PRKG1: variants seen among roughly 807,000 people sequenced by gnomAD.
The protein encoded by PRKG1 is cGMP-dependent protein kinase 1.
A neutral mutation model predicts 88.1 loss-of-function variants in PRKG1; 35 were observed. The ratio of observed to expected loss-of-function variants is 0.40; its 90% CI spans 0.30 to 0.53. PRKG1 has a LOEUF of 0.53. PRKG1 is among the 20% of genes least tolerant of loss of function. The pLI is 0.59. For missense variants in PRKG1, 540 were observed against 839.8 expected, an observed-to-expected ratio of 0.64 and a Z score of 4.41; for synonymous variants, 303 against 292.5, an observed-to-expected ratio of 1.04 and a Z score of -0.37.
intron 3 of PRKG1, among the ~76,000 whole-genome samples, chr10:51,777,366 T>C (rs1838467609): frequency 6.6e-6 from 1 of 152,112 alleles, no homozygotes; most frequent in Non-Finnish European, 1.5e-5. Flanking sequence ...GAAAGCTTCT[T>C]CTCATTCCCA....
At chr10:52,252,802 A>C (rs563796808) in intron 10 of PRKG1, 1 of 151,826 alleles carries the variant, frequency 6.6e-6, no homozygotes, top group Non-Finnish European at 1.5e-5. Context: ...TTGAAAGTCC[A>C]TAGTGTGCCT....
At chr10:51,776,218 A>G (rs1459448002) in intron 3 of PRKG1, among the ~76,000 whole-genome samples, 1 of 152,226 alleles carries the variant, frequency 6.6e-6, no homozygotes, top group African/African-American at 2.4e-5. Flanking sequence ...AAAATAGGTA[A>G]AACAGTTTAG....
intron 2 of PRKG1, among the ~76,000 whole-genome samples, chr10:51,355,713 T>C (rs575970799): frequency 2.0e-5 from 3 of 151,820 alleles, no homozygotes; most frequent in Admixed American, 6.6e-5. Context: ...AAAAATAAAG[T>C]GGGGTCATGA....
At chr10:51,595,360 G>A (rs1838417316) in intron 3 of PRKG1, among the ~76,000 whole-genome samples, 1 of 152,134 alleles carries the variant, frequency 6.6e-6, no homozygotes, top group African/African-American at 2.4e-5. Context: ...GTGTGGTGGT[G>A]GCTCATGCCT....
intron 3 of PRKG1, among the ~76,000 whole-genome samples, chr10:51,491,115 A>G (rs779459830): frequency 2.0e-5 from 3 of 152,054 alleles, no homozygotes; most frequent in Non-Finnish European, 4.4e-5. Context: ...AGACTTTGAT[A>G]TGTATAATAG....
At position 51,601,721 on chromosome 10, in the gene PRKG1, A is replaced by AT. The variant is rs749205610; in HGVS notation, c.592+133933dup. On this transcript the variant is annotated intron_variant, in intron 3 of 17. Transcript: ENST00000373980. The stretch of plus-strand genomic sequence containing the variant: ...TTTTAGAAATAAAGTGGCAGATTGA[A>AT]TTTTTTTTTTTTTTTTTTTTTTTTT... Among the ~76,000 whole-genome samples the AT allele has an allele frequency of 4.6e-5, 2 of 43,496 alleles. 1 individual carries two copies. The highest frequency in any genetic ancestry group is 9.1e-5 in the Non-Finnish European group (2 of 22,064). The allele number at this position is 43,496 out of a possible 152,430, so 28.5% of individuals were successfully genotyped here. A position where few individuals can be genotyped will look rare whatever the true frequency, so the allele number is the denominator to read the frequency against.
At chr10:52,025,137 A>G (rs1202538391) in intron 5 of PRKG1, among the ~76,000 whole-genome samples, 1 of 152,154 alleles carries the variant, frequency 6.6e-6, no homozygotes, top group Non-Finnish European at 1.5e-5. Flanking sequence ...TCTTTTGAGA[A>G]GTGTCCATTC....
chr10:51,662,740 G>C (rs974272178), intron 3 of PRKG1, among the ~76,000 whole-genome samples: 1 of 152,124 alleles, frequency 6.6e-6, no homozygotes, highest in African/African-American at 2.4e-5. Flanking sequence ...GAAGGATTAA[G>C]AAAAACTTCA....
intron 1 of PRKG1, among the ~76,000 whole-genome samples, chr10:50,997,429 A>G (rs1387808143): frequency 2.0e-5 from 3 of 152,216 alleles, no homozygotes; most frequent in Non-Finnish European, 4.4e-5. Context: ...TATTTCTAAC[A>G]GACCTGAAAA....
intron 5 of PRKG1, among the ~76,000 whole-genome samples, chr10:52,040,324 C>T (rs1265628131): frequency 2.0e-5 from 3 of 152,212 alleles, no homozygotes; most frequent in Admixed American, 1.3e-4. Context: ...CTCTGAAACA[C>T]TAAATTGTGT....
chr10:51,141,572 G>A (rs192360596), intron 1 of PRKG1, among the ~76,000 whole-genome samples: 1 of 152,146 alleles, frequency 6.6e-6, no homozygotes, highest in Non-Finnish European at 1.5e-5. Flanking sequence ...GAATTGTTGT[G>A]TTGGAAATAT....
chr10:51,852,226 T>TATATATATATATATATAC (rs1403355117), intron 4 of PRKG1, among the ~76,000 whole-genome samples: 1 of 149,340 alleles, frequency 6.7e-6, no homozygotes, highest in African/African-American at 2.5e-5. Context: ...TATATATATA[T>TATATATATATATATATAC]ATACACACAC....
chr10:52,247,912 G>T lies in PRKG1; in HGVS notation c.1077-3658G>T, dbSNP rs192013706. 6.8e-4 allele frequency among the ~76,000 whole-genome samples: 103 copies of T among 152,296 alleles called. No individual in the cohort carries two copies. In the East Asian group the frequency reaches 0.019, roughly 28 times the overall value. ...TGGGTCTCACAGCTTTCAGAGCTGA[G>T]AGCCCCGAACAGAGATTTACCCACA... On this transcript the variant is annotated intron_variant, in intron 9 of 17. Transcript: ENST00000373980.
chr10:51,391,035 C>A (rs1215560734), intron 2 of PRKG1, among the ~76,000 whole-genome samples: 1 of 152,162 alleles, frequency 6.6e-6, no homozygotes, highest in African/African-American at 2.4e-5. Context: ...ATCCTCATTT[C>A]TCAGAGGCAG....
chr10:51,125,980 C>A (rs9414825), intron 1 of PRKG1, among the ~76,000 whole-genome samples: 100,009 of 124,242 alleles, frequency 0.8, 40,654 homozygotes, highest in South Asian at 0.88. Context: ...ATTATATATA[C>A]ATATAATTAT....
At chr10:51,105,147 A>G (rs1451753966) in intron 1 of PRKG1, among the ~76,000 whole-genome samples, 6 of 152,232 alleles carry the variant, frequency 3.9e-5, no homozygotes, top group African/African-American at 1.4e-4. Flanking sequence ...CTGTGATTGC[A>G]GGTGTGAGCC....
chr10:51,941,788 C>CT (rs1842914821), intron 5 of PRKG1, among the ~76,000 whole-genome samples: 1 of 151,660 alleles, frequency 6.6e-6, no homozygotes, highest in Non-Finnish European at 1.5e-5. Flanking sequence ...TGAACTCATC[C>CT]TTTTTTATGG....
At chr10:51,034,826 A>G (rs1361715314) in intron 1 of PRKG1, among the ~76,000 whole-genome samples, 1 of 151,524 alleles carries the variant, frequency 6.6e-6, no homozygotes, top group East Asian at 1.9e-4. Flanking sequence ...AAACAGTAGG[A>G]CAAAAGACTG....
Position 51,027,908 on chromosome 10 carries a change from A to G in PRKG1, c.266+36264A>G, listed in dbSNP as rs61849709. Among the ~76,000 whole-genome samples the G allele has an allele frequency of 7.5e-3, 1,148 of 152,296 alleles. 14 individuals are homozygous for G. The highest frequency in any genetic ancestry group is 0.017 in the Middle Eastern group (5 of 294). On this transcript the variant is annotated intron_variant, in intron 1 of 17. Coordinates refer to the PRKG1 transcript ENST00000401604. ...AACCATTCATTTTTTAAAATATCAA[A>G]CTGAAAAGAAACAATCTCCTGGTTG... is the stretch of plus-strand genomic sequence containing the variant.
Sources: allele counts gnomAD v4.1 joint callset (sites outside exome capture counted in the v4.1 genomes callset), GRCh38; gene constraint gnomAD v4.1.1; transcripts MANE v1.5; gene names NCBI Gene and HGNC (gene_info 2026-07-23, HGNC 2026-07-21).